CTNNA3: variants seen among roughly 807,000 people sequenced by gnomAD.
The protein encoded by CTNNA3 is catenin alpha-3.
A neutral mutation model predicts 95.7 loss-of-function variants in CTNNA3; 76 were observed. The observed-to-expected ratio is 0.79, with a 90% confidence interval of 0.66 to 0.96. CTNNA3 has a LOEUF of 0.96. Among genes scored for constraint, CTNNA3 ranks in the 40% least tolerant of loss-of-function variants. The pLI, the probability that CTNNA3 is intolerant of heterozygous loss-of-function variation, is 0.00. For missense variants in CTNNA3, 1,191 were observed against 1,089.8 expected, an observed-to-expected ratio of 1.09 and a Z score of -1.31; for synonymous variants, 431 against 374.4, an observed-to-expected ratio of 1.15 and a Z score of -1.74.
At chr10:67,433,081 T>C (rs1846168349) in intron 5 of CTNNA3, among the ~76,000 whole-genome samples, 1 of 152,112 alleles carries the variant, frequency 6.6e-6, no homozygotes, top group Admixed American at 6.6e-5. Context: ...GATTTTGACA[T>C]ACCTTCCTCA....
chr10:67,637,876 G>A (rs1447209137), intron 2 of CTNNA3, among the ~76,000 whole-genome samples: 2 of 152,090 alleles, frequency 1.3e-5, no homozygotes, highest in Non-Finnish European at 2.9e-5. Context: ...CTAAACATGG[G>A]AAGGAACAAC....
chr10:67,335,450 G>A (rs1841962483), intron 5 of CTNNA3, among the ~76,000 whole-genome samples: 1 of 152,192 alleles, frequency 6.6e-6, no homozygotes, highest in Non-Finnish European at 1.5e-5. Flanking sequence ...TTTATTGTTT[G>A]TTTTTGAACT....
chr10:66,510,468 C>G (rs55881146), intron 11 of CTNNA3, among the ~76,000 whole-genome samples: 23,125 of 151,730 alleles, frequency 0.15, 1,836 homozygotes, highest in Non-Finnish European at 0.17. Flanking sequence ...TCCTTGTCTT[C>G]TTCCAGTTCT....
At chr10:66,938,024 C>A (rs1392485734) in intron 7 of CTNNA3, among the ~76,000 whole-genome samples, 1 of 151,962 alleles carries the variant, frequency 6.6e-6, no homozygotes, top group East Asian at 1.9e-4. Flanking sequence ...CTGATACAGT[C>A]TTTTATGCAT....
At chr10:67,326,224 C>T (rs1204394851) in intron 5 of CTNNA3, among the ~76,000 whole-genome samples, 2 of 152,188 alleles carry the variant, frequency 1.3e-5, no homozygotes, top group Non-Finnish European at 2.9e-5. Context: ...AAGCCATTTA[C>T]ACTCAAGGTT....
At chr10:67,299,525 T>C (rs1419433896) in intron 5 of CTNNA3, among the ~76,000 whole-genome samples, 4 of 152,166 alleles carry the variant, frequency 2.6e-5, no homozygotes, top group Non-Finnish European at 5.9e-5. Context: ...TTTTCTCCCG[T>C]GTAAAGTCAC....
intron 13 of CTNNA3, among the ~76,000 whole-genome samples, chr10:66,115,555 TA>T (rs1386123095): frequency 1.4e-5 from 2 of 146,568 alleles, no homozygotes; most frequent in Non-Finnish European, 3.0e-5. Flanking sequence ...GATAGATAGA[TA>T]GATAGATAGA....
At position 66,680,945 on chromosome 10, in the gene CTNNA3, T is replaced by G. The variant is rs970669687; in HGVS notation, c.1282-59161A>C. On this transcript the variant is annotated intron_variant, in intron 9 of 17. Coordinates refer to ENST00000433211, the MANE Select transcript of CTNNA3 (RefSeq NM_013266.4). ...AGCATTGAAGGAATTTTTTCTTATCTCTACTCTTGGCAAATACAACTCTTG... is the reference window on the plus strand; with the variant it reads ...AGCATTGAAGGAATTTTTTCTTATCGCTACTCTTGGCAAATACAACTCTTG... Among the ~76,000 whole-genome samples the G allele has an allele frequency of 1.3e-5, 2 of 152,152 alleles. 1 individual carries two copies.
intron 7 of CTNNA3, among the ~76,000 whole-genome samples, chr10:66,868,369 A>G (rs1844265748): frequency 1.4e-5 from 2 of 145,362 alleles, no homozygotes. Context: ...CTGTCGCAAA[A>G]ATTAAAAAAA....
intron 9 of CTNNA3, among the ~76,000 whole-genome samples, chr10:66,717,489 C>T (rs1166998798): frequency 6.6e-6 from 1 of 152,100 alleles, no homozygotes; most frequent in Non-Finnish European, 1.5e-5. Context: ...TGTGTTATCA[C>T]AGCGCTTTTT....
At chr10:66,739,679 A>G (rs946322186) in intron 9 of CTNNA3, among the ~76,000 whole-genome samples, 3 of 152,188 alleles carry the variant, frequency 2.0e-5, no homozygotes, top group African/African-American at 7.2e-5. Flanking sequence ...TTAAAGGTAC[A>G]TTGTTAAGAC....
intron 7 of CTNNA3, among the ~76,000 whole-genome samples, chr10:66,979,768 C>T (rs895796483): frequency 8.5e-5 from 13 of 152,106 alleles, no homozygotes; most frequent in African/African-American, 3.1e-4. Context: ...CATAATAGAA[C>T]TACAGCTTTT....
chr10:66,288,300 T>A (rs2091623849), intron 12 of CTNNA3, among the ~76,000 whole-genome samples: 1 of 152,066 alleles, frequency 6.6e-6, no homozygotes, highest in Admixed American at 6.6e-5. Context: ...GAAGATAGAT[T>A]TGTCTCAGAG....
At chr10:67,559,650 G>A (rs1841410975) in intron 3 of CTNNA3, among the ~76,000 whole-genome samples, 1 of 152,174 alleles carries the variant, frequency 6.6e-6, no homozygotes, top group Admixed American at 6.5e-5. Flanking sequence ...GAATGACTTT[G>A]ACAAGTTGAG....
intron 5 of CTNNA3, among the ~76,000 whole-genome samples, chr10:67,257,723 T>A (rs975911266): frequency 9.9e-5 from 15 of 152,102 alleles, no homozygotes; most frequent in Admixed American, 2.0e-4. Context: ...TTTGACAAGT[T>A]GGATAAGAAA....
intron 7 of CTNNA3, among the ~76,000 whole-genome samples, chr10:66,954,018 T>A (rs1380167016): frequency 6.6e-6 from 1 of 152,214 alleles, no homozygotes; most frequent in Non-Finnish European, 1.5e-5. Flanking sequence ...GCATAGTAAG[T>A]GCTCGCAAAT....
intron 15 of CTNNA3, among the ~76,000 whole-genome samples, chr10:65,989,289 G>T (rs1191973372): frequency 1.3e-5 from 2 of 152,010 alleles, no homozygotes; most frequent in African/African-American, 2.4e-5. Flanking sequence ...TCAGACTCCA[G>T]TATTATTATT....
intron 11 of CTNNA3, among the ~76,000 whole-genome samples, chr10:66,447,771 G>T (rs28897407): frequency 0.26 from 39,958 of 151,504 alleles, 5,417 homozygotes; most frequent in South Asian, 0.39. Context: ...CATGGGCAAG[G>T]ACTTCATGTC....
chr10:66,379,308 T>C lies in CTNNA3; in HGVS notation c.1576A>G (p.Arg526Gly). 6.2e-7 allele frequency: 1 copy of C among 1,614,144 alleles called. No homozygotes were observed. Among genetic ancestry groups the C allele is most frequent in the Non-Finnish European group, 8.5e-7 (1 of 1,179,986 alleles). The change falls in exon 12 of 18, where the codon AGA (arginine) becomes GGA (glycine). Residue 526 changes from arginine (R) to glycine (G), a missense_variant. Coordinates refer to ENST00000433211, the MANE Select transcript of CTNNA3 (RefSeq NM_013266.4). Reference sequence around the variant, plus strand: ...TCTAAATTATCAGCATCCTGGTCTCTTAAGGCTATGATACACTTGTTGACA... The same window carrying C: ...TCTAAATTATCAGCATCCTGGTCTCCTAAGGCTATGATACACTTGTTGACA... ...EDVNKCIIAL[R>G]DQDADNLDRA...
Sources: allele counts gnomAD v4.1 joint callset (sites outside exome capture counted in the v4.1 genomes callset), GRCh38; gene constraint gnomAD v4.1.1; transcripts MANE v1.5; gene names NCBI Gene and HGNC (gene_info 2026-07-23, HGNC 2026-07-21).